The following CASZ1 variants were observed in gnomAD, a reference collection of about 807,000 sequenced individuals.
CASZ1 encodes zinc finger protein castor homolog 1.
In CASZ1, 28 loss-of-function variants were observed where a neutral mutation model predicts 135.2. The ratio of observed to expected loss-of-function variants is 0.21; its 90% confidence interval spans 0.15 to 0.28. The LOEUF (loss-of-function observed/expected upper bound fraction) is 0.28, where lower values mean the gene tolerates loss of function less well. Among genes scored for constraint, CASZ1 ranks in the 10% least tolerant of loss-of-function variants. The pLI, the probability that CASZ1 is intolerant of heterozygous loss-of-function variation, is 1.00. For synonymous variants in CASZ1, 1,068 were observed against 1,073.4 expected, an observed-to-expected ratio of 0.99 and a Z score of 0.10; for missense variants, 2,161 against 2,453.3, an observed-to-expected ratio of 0.88 and a Z score of 2.52.
intron 1 of CASZ1, among the ~76,000 whole-genome samples, chr1:10,766,009 C>G (rs1640468782): frequency 1.3e-5 from 2 of 152,196 alleles, no homozygotes; most frequent in Admixed American, 1.3e-4. Context: ...GACGGATATC[C>G]ATGGAAACCA....
Position 10,676,089 on chromosome 1 carries a change from C to A in CASZ1, c.17-10518G>T, listed in dbSNP as rs1441186898. Among the ~76,000 whole-genome samples, 3 of 152,158 alleles carry A rather than the reference C, an allele frequency of 2.0e-5. No individual in the cohort carries two copies. Among genetic ancestry groups the A allele is most frequent in the Non-Finnish European group, 4.4e-5 (3 of 68,004 alleles). ...GAGGGGCCCCAGGAAGAGGGCGGGG[C>A]TCCCCCTGGACCTAGGCCTGCTCAG... On this transcript the variant is annotated intron_variant, in intron 4 of 20. Transcript: ENST00000377022. This position sits in a 1 kb window ranked among gnomAD's most constrained non-coding sequence, Gnocchi z 4.5.
chr1:10,648,996 T>G, intron 15 of CASZ1, 74 bp downstream of exon 15: 1 of 1,576,794 alleles, frequency 6.3e-7, no homozygotes, highest in Non-Finnish European at 8.6e-7. Context: ...TGTACCAGCC[T>G]GAGCCCCACC....
rs186217521 is a variant in CASZ1 at position 10,684,234 on chromosome 1, C to T, written c.16+9640G>A. ...CCCTTGTCCGCATCCTCTCCAGAAG[C>T]CCCGTCTGGACTGTGATATGTTTGG... On this transcript the variant is annotated intron_variant, in intron 4 of 20. Transcript: ENST00000377022. Among the ~76,000 whole-genome samples, 1,152 of 151,740 alleles carry T rather than the reference C, an allele frequency of 7.6e-3. 9 individuals are homozygous for T. Among genetic ancestry groups the T allele is most frequent in the Non-Finnish European group, 0.012 (811 of 68,026 alleles).
chr1:10,747,177 T>A lies in CASZ1; in HGVS notation c.-77+13524A>T, dbSNP rs1442234297. 6.6e-6 allele frequency among the ~76,000 whole-genome samples: 1 copy of A among 152,162 alleles called. No individual in the cohort carries two copies. Among genetic ancestry groups the A allele is most frequent in the Non-Finnish European group, 1.5e-5 (1 of 68,012 alleles). On this transcript the variant is annotated intron_variant, in intron 2 of 20. Transcript: ENST00000377022. This position sits in a 1 kb window ranked among gnomAD's most constrained non-coding sequence, Gnocchi z 4.3. Reference sequence around the variant, plus strand: ...CCAGCTACTCCACCAGCTACCCCCATACCCTCTGAGCCTCTGGCCCTTGGA... The same window carrying A: ...CCAGCTACTCCACCAGCTACCCCCAAACCCTCTGAGCCTCTGGCCCTTGGA...
intron 20 of CASZ1, among the ~76,000 whole-genome samples, chr1:10,641,189 G>A (rs1011869831): frequency 1.3e-5 from 2 of 152,226 alleles, no homozygotes; most frequent in Admixed American, 6.5e-5. Context: ...GGGCTGTGAC[G>A]GTGTAGGGGC....
chr1:10,658,507 C>A lies in CASZ1; in HGVS notation c.1409+1G>T. The A allele has an allele frequency of 6.2e-7, 1 of 1,613,486 alleles. No homozygotes were observed. The highest frequency in any genetic ancestry group is 8.5e-7 in the Non-Finnish European group (1 of 1,179,484). ...CGGCAGGCTCCTCCCCAGGGGCCTACCTGGCAATATATTTCTGGTAAATGT... is the reference window on the plus strand; with the variant it reads ...CGGCAGGCTCCTCCCCAGGGGCCTAACTGGCAATATATTTCTGGTAAATGT... On this transcript the variant is annotated splice_donor_variant, in intron 7 of 20. Coordinates refer to ENST00000377022, the MANE Select transcript of CASZ1 (RefSeq NM_001079843.3). LOFTEE classifies it high-confidence loss of function.
Position 10,638,928 on chromosome 1 carries a change from AC to A in CASZ1, c.*13del, listed in dbSNP as rs1642088800. On this transcript the variant is annotated 3_prime_UTR_variant, in exon 21 of 21. Coordinates refer to ENST00000377022, the MANE Select transcript of CASZ1 (RefSeq NM_001079843.3). This position sits in a 1 kb window ranked among gnomAD's most constrained non-coding sequence, Gnocchi z 5.9. ...CGAGGCCGAGGCCGCCGCCAGGGCC[AC>A]CCGCGGGCGCCGCTAGGGCGAGGAG... The A allele has an allele frequency of 3.1e-6, 3 of 979,770 alleles. No homozygotes were observed. The highest frequency in any genetic ancestry group is 2.4e-6 in the Non-Finnish European group (2 of 827,966). 60.7% of individuals were successfully genotyped at this position (979,770 alleles called of 1,614,324 possible).
At chr1:10,648,289 G>C in intron 15 of CASZ1, 150 bp from the exon 16 acceptor site, 1 of 601,688 alleles carries the variant, frequency 1.7e-6, no homozygotes, top group Admixed American at 3.4e-5. Context: ...GACCCCACCA[G>C]GACAGAAGGA....
intron 1 of CASZ1, among the ~76,000 whole-genome samples, chr1:10,781,269 G>A (rs894754951): frequency 2.0e-5 from 3 of 152,184 alleles, no homozygotes; most frequent in Non-Finnish European, 2.9e-5. Context: ...CAATGACTCG[G>A]AGGACATGCA....
Position 10,739,001 on chromosome 1 carries a change from A to G in CASZ1, c.-77+21700T>C, listed in dbSNP as rs1028864254. On this transcript the variant is annotated intron_variant, in intron 2 of 20. Coordinates refer to ENST00000377022, the MANE Select transcript of CASZ1 (RefSeq NM_001079843.3). This position sits in a 1 kb window ranked among gnomAD's most constrained non-coding sequence, Gnocchi z 4.8. ...ATTTTATGCTGTCAAAATGTTCTCAACAAGGGGAGATTTGACTGGCTTCTC... is the reference window on the plus strand; with the variant it reads ...ATTTTATGCTGTCAAAATGTTCTCAGCAAGGGGAGATTTGACTGGCTTCTC... Among the ~76,000 whole-genome samples, 1 of 149,370 alleles carries G rather than the reference A, an allele frequency of 6.7e-6. No individual in the cohort carries two copies. The highest frequency in any genetic ancestry group is 1.5e-5 in the Non-Finnish European group (1 of 67,790).
intron 2 of CASZ1, among the ~76,000 whole-genome samples, chr1:10,723,619 G>A (rs1639543899): frequency 6.6e-6 from 1 of 152,182 alleles, no homozygotes; most frequent in Non-Finnish European, 1.5e-5. Flanking sequence ...GGGGTCCTGC[G>A]CTTTGCAGGT....
intron 2 of CASZ1, among the ~76,000 whole-genome samples, chr1:10,760,396 C>G (rs1640350413): frequency 6.6e-6 from 1 of 152,230 alleles, no homozygotes; most frequent in Non-Finnish European, 1.5e-5. Context: ...TGGGAAGATC[C>G]TTAAAAGGCC....
chr1:10,646,429 G>A lies in CASZ1; in HGVS notation c.3498-103C>T, dbSNP rs1203256027. 1.9e-6 allele frequency: 2 copies of A among 1,079,624 alleles called. No individual in the cohort carries two copies. The highest frequency in any genetic ancestry group is 1.4e-5 in the South Asian group (1 of 70,158). The allele number at this position is 1,079,624 out of a possible 1,614,324, so 66.9% of individuals were successfully genotyped here. A position where few individuals can be genotyped will look rare whatever the true frequency, so the allele number is the denominator to read the frequency against. The stretch of plus-strand genomic sequence containing the variant: ...GGAGTTCACTCCCCCACGACCAGCG[G>A]TACCACCAAGAGGGATGGCCTGGGC... On this transcript the variant is annotated intron_variant, in intron 16 of 20. Coordinates refer to ENST00000377022, the MANE Select transcript of CASZ1 (RefSeq NM_001079843.3). This position sits in a 1 kb window ranked among gnomAD's most constrained non-coding sequence, Gnocchi z 6.4.
In CASZ1 at chr1:10,711,801, TTGAACGAGA is replaced by T. The variant is rs2100458759; in HGVS notation, c.-76-6266_-76-6258del. ...TACAATGTGGATAGACCTGGAAATG[TTGAACGAGA>T]AAGGAGCCAGACAGACACAATAGGC... On this transcript the variant is annotated intron_variant, in intron 2 of 20. Transcript: ENST00000377022. This position sits in a 1 kb window ranked among gnomAD's most constrained non-coding sequence, Gnocchi z 4.4. 6.6e-6 allele frequency among the ~76,000 whole-genome samples: 1 copy of T among 152,150 alleles called. No individual in the cohort carries two copies. The highest frequency in any genetic ancestry group is 1.5e-5 in the Non-Finnish European group (1 of 67,982).
intron 1 of CASZ1, among the ~76,000 whole-genome samples, chr1:10,761,228 C>G (rs932183900): frequency 6.6e-6 from 1 of 152,256 alleles, no homozygotes. Context: ...GAAAATGGAT[C>G]AAGCCAATAC....
chr1:10,685,062 T>C (rs1462909587), intron 4 of CASZ1, among the ~76,000 whole-genome samples: 1 of 152,244 alleles, frequency 6.6e-6, no homozygotes, highest in Non-Finnish European at 1.5e-5. Context: ...CCAGGCCCCC[T>C]GGTATAATCC....
At position 10,794,502 on chromosome 1, in the gene CASZ1, G is replaced by C. The variant is rs1641026196; in HGVS notation, c.-234+2062C>G. On this transcript the variant is annotated intron_variant, in intron 1 of 20. Transcript: ENST00000377022. This position sits in a 1 kb window ranked among gnomAD's most constrained non-coding sequence, Gnocchi z 5.6. ...TGGGGGAGCTCCATACTCAGGAGAG[G>C]CGCTACTGCCGCTTTTCCGGTGGGC... Among the ~76,000 whole-genome samples, 1 of 152,168 alleles carries C rather than the reference G, an allele frequency of 6.6e-6. No individual in the cohort carries two copies. The highest frequency in any genetic ancestry group is 6.5e-5 in the Admixed American group (1 of 15,302).
rs969955957 is a variant in CASZ1 at position 10,709,095 on chromosome 1, T to C, written c.-76-3551A>G. Reference sequence around the variant, plus strand: ...CTGAAGGGGCCTCCTCCATCTGCAGTTCCCTCTTGCTGGAGCCGCTGCTGG... The same window carrying C: ...CTGAAGGGGCCTCCTCCATCTGCAGCTCCCTCTTGCTGGAGCCGCTGCTGG... On this transcript the variant is annotated intron_variant, in intron 2 of 20. Coordinates refer to ENST00000377022, the MANE Select transcript of CASZ1 (RefSeq NM_001079843.3). The surrounding 1 kb of genome is among the most constrained non-coding windows in gnomAD (Gnocchi z 5.1). 1.3e-5 allele frequency among the ~76,000 whole-genome samples: 2 copies of C among 151,742 alleles called. No homozygotes were observed. Among genetic ancestry groups the C allele is most frequent in the Admixed American group, 6.6e-5 (1 of 15,262 alleles).
rs117450756 is a variant in CASZ1 at position 10,659,600 on chromosome 1, C to T, written c.1340+102G>A. ...ACAGTGGATGTGTATAAGGTGTGAGCGGCAGGTGTGTCCTCAAGCACGGGC... is the reference window on the plus strand; with the variant it reads ...ACAGTGGATGTGTATAAGGTGTGAGTGGCAGGTGTGTCCTCAAGCACGGGC... On this transcript the variant is annotated intron_variant, in intron 6 of 20. Coordinates refer to ENST00000377022, the MANE Select transcript of CASZ1 (RefSeq NM_001079843.3). 9.6e-4 allele frequency: 836 copies of T among 868,036 alleles called. 11 individuals carry two copies. In the East Asian group the frequency reaches 0.018, roughly 18 times the overall value. 53.8% of individuals were successfully genotyped at this position (868,036 alleles called of 1,614,324 possible).
Sources: allele counts gnomAD v4.1 joint callset (sites outside exome capture counted in the v4.1 genomes callset), GRCh38; gene constraint gnomAD v4.1.1; non-coding constraint Gnocchi (gnomAD v3.1); transcripts MANE v1.5; gene names NCBI Gene and HGNC (gene_info 2026-07-23, HGNC 2026-07-21).